The following LRRC3C variants were observed in gnomAD, a reference collection of about 807,000 sequenced individuals.
LRRC3C encodes the protein leucine-rich repeat-containing protein 3C.
A neutral mutation model predicts 14.8 loss-of-function variants in LRRC3C; 11 were observed. That is an observed-to-expected ratio of 0.74 (90% CI 0.47 to 1.23). The LOEUF is 1.23. Among genes scored for constraint, LRRC3C ranks in the 50% most tolerant of loss-of-function variants. The pLI is 0.00. For missense variants in LRRC3C, 354 were observed against 361.8 expected (o/e 0.98, Z 0.18); for synonymous variants, 149 against 161.5 (o/e 0.92, Z 0.59).
At chr17:39,931,331 A>G (rs1016954267) in intron 1 of LRRC3C, among the ~76,000 whole-genome samples, 1 of 150,242 alleles carries the variant, frequency 6.7e-6, no homozygotes, top group African/African-American at 2.4e-5. Flanking sequence ...CTGTAATCCC[A>G]GCTACTCGGG....
At chr17:39,939,542 G>T (rs1205265832) in intron 2 of LRRC3C, 1 of 389,208 alleles carries the variant, frequency 2.6e-6, no homozygotes. Context: ...TAACTAATCT[G>T]TAAAAGCTCC....
chr17:39,933,474 C>T (rs1978706849), intron 1 of LRRC3C, among the ~76,000 whole-genome samples: 1 of 152,178 alleles, frequency 6.6e-6, no homozygotes, highest in Non-Finnish European at 1.5e-5. Flanking sequence ...ATGGCTCACG[C>T]CTGTAATCCC....
At chr17:39,936,789 G>T (rs1025364681) in intron 2 of LRRC3C, among the ~76,000 whole-genome samples, 2 of 150,560 alleles carry the variant, frequency 1.3e-5, no homozygotes, top group Admixed American at 6.6e-5. Flanking sequence ...TGCACTCCAG[G>T]CTGGGAGACA....
Position 39,941,488 on chromosome 17 carries a change from A to C in LRRC3C, c.-36A>C. ...TCCTGGTCACCCATAGTCTTCCAAA[A>C]TCCAGCAAGAAAAATCCTTCTCAGA... On this transcript the variant is annotated 5_prime_UTR_variant, in exon 3 of 4. Transcript: ENST00000377924. 6.5e-7 allele frequency: 1 copy of C among 1,534,022 alleles called. No homozygotes were observed. Among genetic ancestry groups the C allele is most frequent in the Non-Finnish European group, 8.7e-7 (1 of 1,145,148 alleles).
intron 2 of LRRC3C, 52 bp from the exon 3 acceptor site, chr17:39,941,391 T>G: frequency 1.7e-6 from 1 of 579,944 alleles, no homozygotes; most frequent in Non-Finnish European, 3.0e-6. Context: ...CTTAACAGGT[T>G]TTTGAAACAA....
At chr17:39,935,762 G>T in intron 1 of LRRC3C, 40 bp from the exon 2 acceptor site, 1 of 904,952 alleles carries the variant, frequency 1.1e-6, no homozygotes, top group South Asian at 5.1e-5. Context: ...AAGCATGGCA[G>T]CATGAAGTGT....
intron 2 of LRRC3C, among the ~76,000 whole-genome samples, chr17:39,938,215 C>T (rs1027082762): frequency 6.6e-6 from 1 of 152,186 alleles, no homozygotes; most frequent in Non-Finnish European, 1.5e-5. Context: ...TGCCTATATA[C>T]CAGTGTGCAG....
At chr17:39,936,019 G>A in intron 2 of LRRC3C, 125 bp downstream of exon 2, 1 of 337,366 alleles carries the variant, frequency 3.0e-6, no homozygotes, top group Non-Finnish European at 4.2e-6. Context: ...GAGGGAAGGG[G>A]ATGGAGGCCT....
At position 39,944,516 on chromosome 17, in the gene LRRC3C, G is replaced by A. The variant is rs138991550; in HGVS notation, c.610G>A (p.Ala204Thr). The part of the protein sequence containing the change: ...DLVGQEFLLL[A>T]GEEELCGSGW... ...CGTGGGGCAGGAGTTCCTGCTGCTG[G>A]CAGGGGAGGAAGAGCTGTGTGGGTC... The change falls in exon 4 of 4, where the codon GCA becomes ACA. Residue 204 changes from alanine to threonine, a missense_variant. Ala to Thr is a moderately conservative substitution (Grantham distance 58). Transcript: ENST00000377924. 2,214 of 1,495,530 alleles carry A rather than the reference G, an allele frequency of 1.5e-3. 45 individuals are homozygous for A. The East Asian group carries it at 0.047, about 32-fold the overall frequency. The allele number at this position is 1,495,530 out of a possible 1,614,324, so 92.6% of individuals were successfully genotyped here.
chr17:39,927,744 C>G lies in LRRC3C; in HGVS notation c.-245C>G. ...TGTAGTTTTTCCTGGGCTCCGTTCC[C>G]GGCCTCTTCGGGGACGCACGGTTGG... On this transcript the variant is annotated 5_prime_UTR_variant, in exon 1 of 4. Coordinates refer to ENST00000377924, the MANE Select transcript of LRRC3C (RefSeq NM_001195545.2). 1.0e-6 allele frequency: 1 copy of G among 985,506 alleles called. No individual in the cohort carries two copies. The highest frequency in any genetic ancestry group is 4.7e-5 in the South Asian group (1 of 21,292). The allele number at this position is 985,506 out of a possible 1,614,324, so 61.0% of individuals were successfully genotyped here. A position where few individuals can be genotyped will look rare whatever the true frequency, so the allele number is the denominator to read the frequency against.
chr17:39,940,247 G>A (rs1247162886), intron 2 of LRRC3C, among the ~76,000 whole-genome samples: 1 of 152,106 alleles, frequency 6.6e-6, no homozygotes, highest in Non-Finnish European at 1.5e-5. Flanking sequence ...CCTACCATCT[G>A]GTCTGGTCCC....
At chr17:39,936,907 C>T (rs534343888) in intron 2 of LRRC3C, among the ~76,000 whole-genome samples, 3 of 151,100 alleles carry the variant, frequency 2.0e-5, no homozygotes, top group Admixed American at 6.6e-5. Flanking sequence ...GGATCACTTG[C>T]GGTCAGGAGT....
intron 1 of LRRC3C, among the ~76,000 whole-genome samples, chr17:39,934,409 G>A (rs1238738211): frequency 6.6e-6 from 1 of 152,118 alleles, no homozygotes; most frequent in Non-Finnish European, 1.5e-5. Flanking sequence ...AGCCTCACCT[G>A]TCTAGAAATC....
At chr17:39,939,635 A>G (rs1240755635) in intron 2 of LRRC3C, 1 of 152,526 alleles carries the variant, frequency 6.6e-6, no homozygotes, top group African/African-American at 2.4e-5. Flanking sequence ...GTCCCCTTCA[A>G]CTAGCACATA....
In LRRC3C at chr17:39,944,863, A is replaced by G. The variant is rs1598296394; in HGVS notation, c.*129A>G. On this transcript the variant is annotated 3_prime_UTR_variant, in exon 4 of 4. Coordinates refer to ENST00000377924, the MANE Select transcript of LRRC3C (RefSeq NM_001195545.2). ...AGCCCATCCCACCCCTCCCTCCTTT[A>G]TTCCCCCTAAATACCTGTGCTGGTT... 1 of 689,844 alleles carries G rather than the reference A, an allele frequency of 1.4e-6. No individual in the cohort carries two copies. Among genetic ancestry groups the G allele is most frequent in the Non-Finnish European group, 2.3e-6 (1 of 433,826 alleles). 42.7% of individuals were successfully genotyped at this position (689,844 alleles called of 1,614,324 possible). A position where few individuals can be genotyped will look rare whatever the true frequency, so the allele number is the denominator to read the frequency against.
In LRRC3C at chr17:39,930,708, C is replaced by CAAA. The variant is rs71300058; in HGVS notation, c.-175+2915_-175+2917dup. Among the ~76,000 whole-genome samples, 271 of 69,902 alleles carry CAAA rather than the reference C, an allele frequency of 3.9e-3. 3 individuals carry two copies. The Middle Eastern group carries it at 0.042, about 11-fold the overall frequency. The allele number at this position is 69,902 out of a possible 152,430, so 45.9% of individuals were successfully genotyped here. On this transcript the variant is annotated intron_variant, in intron 1 of 3. Transcript: ENST00000377924. ...TGGGTGACTGAGCAAGGCTCTGTCT[C>CAAA]AAAAAAAAAAAAAAAAAAAAAAAGA...
intron 3 of LRRC3C, among the ~76,000 whole-genome samples, chr17:39,943,198 G>A (rs565051688): frequency 2.0e-5 from 3 of 152,302 alleles, no homozygotes; most frequent in Non-Finnish European, 2.9e-5. Context: ...GCAGCTACGA[G>A]CAAACAGGGC....
At chr17:39,933,882 A>T (rs1978725993) in intron 1 of LRRC3C, among the ~76,000 whole-genome samples, 1 of 152,232 alleles carries the variant, frequency 6.6e-6, no homozygotes, top group South Asian at 2.1e-4. Context: ...GGAAGGAAAG[A>T]ACTGCTTATT....
intron 2 of LRRC3C, among the ~76,000 whole-genome samples, chr17:39,937,124 G>C (rs988742096): frequency 6.7e-6 from 1 of 149,954 alleles, no homozygotes; most frequent in Non-Finnish European, 1.5e-5. Flanking sequence ...GTGACAGAGT[G>C]AGACTCTGTC....
Sources: gnomAD v4.1 joint callset for allele counts (sites outside exome capture counted in the v4.1 genomes callset) on GRCh38, gnomAD v4.1.1 for gene constraint, MANE v1.5 for transcripts, NCBI Gene and HGNC (gene_info 2026-07-23, HGNC 2026-07-21) for gene names.